USH2A: variants seen among roughly 807,000 people sequenced by gnomAD.
The protein encoded by USH2A is Usher syndrome 2A (autosomal recessive, mild).
USH2A carries 443 observed loss-of-function variants against 538.9 expected under a neutral mutation model. The observed-to-expected ratio is 0.82, with a 90% CI of 0.76 to 0.89. The LOEUF (loss-of-function observed/expected upper bound fraction) is 0.89. Ranked by LOEUF, USH2A falls within the 40% of genes least tolerant of loss-of-function variation. The probability of loss-of-function intolerance (pLI) is 0.00; values close to 1 mark genes in which losing one functional copy is unlikely to be tolerated. For synonymous variants in USH2A, 2,413 were observed against 2,273.5 expected (o/e 1.06, Z -1.75); for missense variants, 6,633 against 6,324.8 (o/e 1.05, Z -1.65).
At chr1:216,078,562 G>A (rs1322574908) in intron 26 of USH2A, among the ~76,000 whole-genome samples, 200 bp from the exon 27 acceptor site, 3 of 152,108 alleles carry the variant, frequency 2.0e-5, no homozygotes, top group Admixed American at 6.6e-5. Flanking sequence ...CATGAAGAAT[G>A]TTGTATTGAT....
At chr1:216,050,572 CT>C (rs1236751090) in intron 30 of USH2A, among the ~76,000 whole-genome samples, 3 of 39,196 alleles carry the variant, frequency 7.7e-5, no homozygotes, top group African/African-American at 2.6e-4. Context: ...TTCTTTCTTT[CT>C]TTCTTTCTTT....
intron 3 of USH2A, among the ~76,000 whole-genome samples, chr1:216,377,102 CA>C (rs2038836922): frequency 6.6e-6 from 1 of 152,034 alleles, no homozygotes; most frequent in Non-Finnish European, 1.5e-5. Flanking sequence ...AAATATGCCT[CA>C]AAAACTAAAT....
chr1:216,242,837 A>G (rs2035964327), intron 13 of USH2A, among the ~76,000 whole-genome samples: 1 of 152,176 alleles, frequency 6.6e-6, no homozygotes, highest in Non-Finnish European at 1.5e-5. Context: ...AAAAATCATC[A>G]CTATTTAAAT....
At chr1:216,175,789 A>T (rs1421570607) in intron 20 of USH2A, among the ~76,000 whole-genome samples, 2 of 152,038 alleles carry the variant, frequency 1.3e-5, no homozygotes, top group East Asian at 3.9e-4. Context: ...TAGCTGCTGT[A>T]CTCTGGGTGG....
At chr1:216,369,028 A>G (rs1328174501) in intron 3 of USH2A, among the ~76,000 whole-genome samples, 1 of 152,218 alleles carries the variant, frequency 6.6e-6, no homozygotes, top group Non-Finnish European at 1.5e-5. Flanking sequence ...TACAAATATA[A>G]GGAACATCAT....
At chr1:215,849,859 G>T (rs970884155) in intron 44 of USH2A, among the ~76,000 whole-genome samples, 1 of 152,122 alleles carries the variant, frequency 6.6e-6, no homozygotes, top group African/African-American at 2.4e-5. Flanking sequence ...ACATTTAAAT[G>T]GTTACTTATG....
intron 37 of USH2A, among the ~76,000 whole-genome samples, chr1:215,935,228 A>G (rs1296669614): frequency 1.3e-5 from 2 of 152,018 alleles, no homozygotes; most frequent in African/African-American, 4.8e-5. Flanking sequence ...TTATTCCTCA[A>G]ATAGAATTGT....
At chr1:216,325,049 G>A (rs867993374) in intron 6 of USH2A, among the ~76,000 whole-genome samples, 1 of 152,126 alleles carries the variant, frequency 6.6e-6, no homozygotes, top group African/African-American at 2.4e-5. Context: ...GACACCATGT[G>A]AAAATGGAGG....
intron 9 of USH2A, among the ~76,000 whole-genome samples, chr1:216,306,397 G>A (rs2102630712): frequency 6.6e-6 from 1 of 152,198 alleles, no homozygotes; most frequent in East Asian, 1.9e-4. Context: ...TTTATCTGGA[G>A]ATTTTTCTGT....
In USH2A at chr1:215,773,484, G is replaced by GTCTCTCTCTCTC. The variant is rs756571165; in HGVS notation, c.10939+6358_10939+6359insGAGAGAGAGAGA. 6.2e-5 allele frequency among the ~76,000 whole-genome samples: 7 copies of GTCTCTCTCTCTC among 112,282 alleles called. No homozygotes were observed. In the East Asian group the frequency reaches 9.8e-4, roughly 16 times the overall value. The allele number at this position is 112,282 out of a possible 152,430, so 73.7% of individuals were successfully genotyped here. A position where few individuals can be genotyped will look rare whatever the true frequency, so the allele number is the denominator to read the frequency against. Reference sequence around the variant, plus strand: ...CTCCCCACTTTACGGATGTCTCTCTGTCTCTCTGTCTCTCTCTCTCTCTCT... The same window carrying GTCTCTCTCTCTC: ...CTCCCCACTTTACGGATGTCTCTCTGTCTCTCTCTCTCTCTCTCTGTCTCTCTCTCTCTCTCT... On this transcript the variant is annotated intron_variant, in intron 55 of 71. Transcript: ENST00000307340.
chr1:216,391,572 AT>A (rs1362683178), intron 3 of USH2A, among the ~76,000 whole-genome samples: 3 of 152,040 alleles, frequency 2.0e-5, no homozygotes, highest in Non-Finnish European at 4.4e-5. Context: ...TGTGCCTTTT[AT>A]TTTTTCTTCC....
At chr1:216,164,191 G>T (rs301760) in intron 21 of USH2A, among the ~76,000 whole-genome samples, 1 of 151,824 alleles carries the variant, frequency 6.6e-6, no homozygotes, top group Non-Finnish European at 1.5e-5. Flanking sequence ...CATACGAACC[G>T]AATGAGTGAT....
chr1:216,313,378 T>C (rs1280202945), intron 9 of USH2A, among the ~76,000 whole-genome samples: 1 of 152,154 alleles, frequency 6.6e-6, no homozygotes, highest in Admixed American at 6.6e-5. Context: ...CCTGTGCTCA[T>C]TGGCTGTGAA....
chr1:216,067,254 C>A (rs534800513), intron 30 of USH2A, among the ~76,000 whole-genome samples: 1 of 152,024 alleles, frequency 6.6e-6, no homozygotes, highest in Admixed American at 6.6e-5. Context: ...CATATCGGGG[C>A]CTGTCGAGCG....
intron 51 of USH2A, 151 bp downstream of exon 51, chr1:215,789,908 C>T (rs1018976472): frequency 1.1e-4 from 78 of 708,974 alleles, no homozygotes; most frequent in South Asian, 5.3e-4. Flanking sequence ...TCAATCATAG[C>T]GAACTCATTC....
intron 3 of USH2A, among the ~76,000 whole-genome samples, chr1:216,388,463 T>A (rs1017849702): frequency 2.6e-5 from 4 of 152,182 alleles, no homozygotes; most frequent in African/African-American, 9.7e-5. Context: ...TAGGTTTTTT[T>A]AAAGAAAAAT....
At position 215,640,749 on chromosome 1, in the gene USH2A, T is replaced by C. The variant is rs1353001234; in HGVS notation, c.14792-15A>G. 12 of 1,609,480 alleles carry C rather than the reference T, an allele frequency of 7.5e-6. No individual in the cohort carries two copies. The highest frequency in any genetic ancestry group is 9.3e-6 in the Non-Finnish European group (11 of 1,178,784). On this transcript the variant is annotated splice_polypyrimidine_tract_variant and intron_variant, in intron 67 of 71. Coordinates refer to ENST00000307340, the MANE Select transcript of USH2A (RefSeq NM_206933.4). ...GTACTGAGGCACTGTGGGGAGAAAG[T>C]TGTATGTTCTAAAAAGGGTAACCTC...
chr1:216,180,194 C>T (rs2034466041), intron 20 of USH2A, among the ~76,000 whole-genome samples: 1 of 151,910 alleles, frequency 6.6e-6, no homozygotes, highest in African/African-American at 2.4e-5. Context: ...TCTGTATTTA[C>T]CCAGAAAATT....
intron 4 of USH2A, among the ~76,000 whole-genome samples, chr1:216,333,976 G>C (rs1013965934): frequency 6.6e-6 from 1 of 152,034 alleles, no homozygotes; most frequent in Non-Finnish European, 1.5e-5. Flanking sequence ...CCTTCTGGCT[G>C]ATATGATAGG....
Sources: gnomAD v4.1 joint callset for allele counts (sites outside exome capture counted in the v4.1 genomes callset) on GRCh38, gnomAD v4.1.1 for gene constraint, MANE v1.5 for transcripts, NCBI Gene and HGNC (gene_info 2026-07-23, HGNC 2026-07-21) for gene names.